The following SIM2 variants were observed in gnomAD, a reference collection of about 807,000 sequenced individuals.
SIM2 encodes the protein SIM bHLH transcription factor 2.
Under a neutral mutation model 64.8 loss-of-function variants are expected in SIM2, and 28 were observed. The ratio of observed to expected loss-of-function variants is 0.43; its 90% CI spans 0.32 to 0.59. SIM2 has a LOEUF of 0.59. Among genes scored for constraint, SIM2 ranks in the 20% least tolerant of loss-of-function variants. The pLI is 0.07. For missense variants in SIM2, 847 were observed against 871.4 expected (o/e 0.97, Z 0.35); for synonymous variants, 408 against 391.1 (o/e 1.04, Z -0.51).
chr21:36,715,143 T>C (rs928204714), intron 3 of SIM2, among the ~76,000 whole-genome samples: 5 of 152,214 alleles, frequency 3.3e-5, no homozygotes, highest in Admixed American at 3.3e-4. Flanking sequence ...AAAAACACTT[T>C]AGTGCCAAGT....
chr21:36,714,073 A>G (rs966134475), intron 3 of SIM2, among the ~76,000 whole-genome samples: 2 of 152,226 alleles, frequency 1.3e-5, no homozygotes, highest in Non-Finnish European at 2.9e-5. Flanking sequence ...CGGTCTTTCC[A>G]TTACTTTTAA....
At position 36,745,928 on chromosome 21, in the gene SIM2, A is replaced by T. The variant is rs970976792; in HGVS notation, c.1576+792A>T. The T allele has an allele frequency of 1.7e-5, 21 of 1,264,068 alleles. No individual in the cohort carries two copies. The Admixed American group carries it at 1.9e-4, about 11-fold the overall frequency. 78.3% of individuals were successfully genotyped at this position (1,264,068 alleles called of 1,614,324 possible). A position where few individuals can be genotyped will look rare whatever the true frequency, so the allele number is the denominator to read the frequency against. ...GTTTAGCTGCAGGACATGTATTCCCATTGCACCGAGACCTAACTGCCGCTC... is the reference window on the plus strand; with the variant it reads ...GTTTAGCTGCAGGACATGTATTCCCTTTGCACCGAGACCTAACTGCCGCTC... On this transcript the variant is annotated intron_variant, in intron 10 of 10. Coordinates refer to ENST00000290399, the MANE Select transcript of SIM2 (RefSeq NM_005069.6). The surrounding 1 kb of genome is among the most constrained non-coding windows in gnomAD (Gnocchi z 4.8).
chr21:36,733,621 G>A (rs1184719786), intron 7 of SIM2, among the ~76,000 whole-genome samples: 5 of 146,564 alleles, frequency 3.4e-5, no homozygotes, highest in Non-Finnish European at 7.5e-5. Context: ...GTGCAGTGGT[G>A]CGATCTCGGC....
Position 36,743,518 on chromosome 21 carries a change from T to C in SIM2, c.1130T>C (p.Met377Thr). The C allele has an allele frequency of 6.2e-7, 1 of 1,614,040 alleles. No individual in the cohort carries two copies. The highest frequency in any genetic ancestry group is 8.5e-7 in the Non-Finnish European group (1 of 1,180,008). ...RKLVKPKNTK[M>T]KTKLRTNPYP... ...TTAGTGAAACCCAAAAATACCAAGATGAAGACAAAGCTGAGAACAAACCCT... is the reference window on the plus strand; with the variant it reads ...TTAGTGAAACCCAAAAATACCAAGACGAAGACAAAGCTGAGAACAAACCCT... The change falls in exon 9 of 11, where the codon ATG becomes ACG. Residue 377 changes from methionine to threonine, a missense_variant. Met to Thr is a moderately conservative substitution (Grantham distance 81). Coordinates refer to ENST00000290399, the MANE Select transcript of SIM2 (RefSeq NM_005069.6).
intron 2 of SIM2, among the ~76,000 whole-genome samples, chr21:36,711,103 G>A (rs542624205): frequency 2.0e-5 from 3 of 152,272 alleles, no homozygotes; most frequent in South Asian, 2.1e-4. Flanking sequence ...TTGAAGCTAC[G>A]AAGTCATACC....
At chr21:36,703,236 C>T (rs919869914) in intron 1 of SIM2, among the ~76,000 whole-genome samples, 1 of 152,188 alleles carries the variant, frequency 6.6e-6, no homozygotes, top group Non-Finnish European at 1.5e-5. Context: ...ACCACCAGAA[C>T]CAGGGTAAGC....
intron 1 of SIM2, among the ~76,000 whole-genome samples, chr21:36,707,968 G>GT: frequency 2.7e-5 from 4 of 149,014 alleles, no homozygotes; most frequent in African/African-American, 9.9e-5. Flanking sequence ...GCTGGGCCTG[G>GT]CCCAGCGTGG....
Position 36,699,733 on chromosome 21 carries a change from G to A in SIM2, c.-14G>A. 1 of 1,611,358 alleles carries A rather than the reference G, an allele frequency of 6.2e-7. No homozygotes were observed. The highest frequency in any genetic ancestry group is 8.5e-7 in the Non-Finnish European group (1 of 1,178,754). On this transcript the variant is annotated 5_prime_UTR_variant, in exon 1 of 11. Transcript: ENST00000290399. The surrounding 1 kb of genome is among the most constrained non-coding windows in gnomAD (Gnocchi z 5.6). ...GAGCACGGCCGGGTCTAATATGCCC[G>A]GAGCCGAGGCGCGATGAAGGAGAAG...
intron 1 of SIM2, among the ~76,000 whole-genome samples, chr21:36,707,844 C>A (rs1036472170): frequency 1.3e-5 from 2 of 152,112 alleles, no homozygotes; most frequent in African/African-American, 4.8e-5. Context: ...AGGATCTCCA[C>A]GGCTGGTCAG....
In SIM2 at chr21:36,744,784, A is replaced by T; in HGVS notation, c.1224A>T (p.Arg408Ser). 1.9e-6 allele frequency: 3 copies of T among 1,613,362 alleles called. No individual in the cohort carries two copies. Among genetic ancestry groups the T allele is most frequent in the Non-Finnish European group, 2.5e-6 (3 of 1,179,682 alleles). Residue 408 changes from arginine to serine, a missense_variant, in exon 10 of 11, where the codon AGA becomes AGT. Physicochemically the swap from Arg to Ser is moderately radical, Grantham distance 110 (BLOSUM62 -1). Coordinates refer to ENST00000290399, the MANE Select transcript of SIM2 (RefSeq NM_005069.6). ...AATGCGGCCAGCTCGGAAACTGGAG[A>T]GCCAGTCCCCCTGCAAGCGCTGCTG... ...KLECGQLGNW[R>S]ASPPASAAAP...
rs117655224 is a variant in SIM2 at position 36,744,720 on chromosome 21, C to A, written c.1168-8C>A. The A allele has an allele frequency of 1.2e-5, 19 of 1,583,440 alleles. No individual in the cohort carries two copies. Among genetic ancestry groups the A allele is most frequent in the Non-Finnish European group, 1.5e-5 (18 of 1,164,126 alleles). ...GCTGGCCCTTCATCCATCTTCTTTG[C>A]CATGCAGCAATACAGCTCGTTCCAA... On this transcript the variant is annotated splice_region_variant and splice_polypyrimidine_tract_variant and intron_variant, in intron 9 of 10. Coordinates refer to ENST00000290399, the MANE Select transcript of SIM2 (RefSeq NM_005069.6).
intron 8 of SIM2, 45 bp from the exon 9 acceptor site, chr21:36,743,342 C>T: frequency 8.3e-6 from 13 of 1,561,210 alleles, no homozygotes; most frequent in Non-Finnish European, 1.1e-5. Flanking sequence ...GCTGCTCGGC[C>T]TCCAGCGCCT....
At chr21:36,741,033 G>A (rs779101601) in intron 7 of SIM2, among the ~76,000 whole-genome samples, 6 of 152,180 alleles carry the variant, frequency 3.9e-5, no homozygotes, top group Non-Finnish European at 5.9e-5. Context: ...TGGGTGCACC[G>A]AGCCTTTGGC....
At chr21:36,704,444 G>A (rs1020775141) in intron 1 of SIM2, among the ~76,000 whole-genome samples, 4 of 152,252 alleles carry the variant, frequency 2.6e-5, no homozygotes, top group Non-Finnish European at 4.4e-5. Context: ...CTGCAGCTGG[G>A]GATCCAGGAG....
chr21:36,720,140 T>C, intron 4 of SIM2: 1 of 561,078 alleles, frequency 1.8e-6, no homozygotes, highest in Admixed American at 3.0e-5. Flanking sequence ...CAAGCTCCTA[T>C]TGTTGGCCAG....
Position 36,724,947 on chromosome 21 carries a change from T to C in SIM2, c.544-1172T>C, listed in dbSNP as rs147667007. ...TCTGTATGGCTTTTGGCTATAGCAATTGGAAGGGCTTCTGTAGGGCCACTC... is the reference window on the plus strand; with the variant it reads ...TCTGTATGGCTTTTGGCTATAGCAACTGGAAGGGCTTCTGTAGGGCCACTC... On this transcript the variant is annotated intron_variant, in intron 5 of 10. Transcript: ENST00000290399. Among the ~76,000 whole-genome samples the C allele has an allele frequency of 2.3e-3, 348 of 152,270 alleles. 2 individuals are homozygous for C. Among genetic ancestry groups the C allele is most frequent in the African/African-American group, 7.7e-3 (319 of 41,538 alleles).
At chr21:36,710,672 C>CA (rs1368579179) in intron 2 of SIM2, 1 of 152,196 alleles carries the variant, frequency 6.6e-6, no homozygotes, top group Non-Finnish European at 1.5e-5. Flanking sequence ...TCTGCATTTC[C>CA]AAAAAGCAGA....
rs181328345 is a variant in SIM2 at position 36,730,524 on chromosome 21, T to C, written c.744-521T>C. Among the ~76,000 whole-genome samples, 22 of 152,302 alleles carry C rather than the reference T, an allele frequency of 1.4e-4. No individual in the cohort carries two copies. The East Asian group carries it at 3.7e-3, about 25-fold the overall frequency. On this transcript the variant is annotated intron_variant, in intron 6 of 10. Coordinates refer to ENST00000290399, the MANE Select transcript of SIM2 (RefSeq NM_005069.6). Reference sequence around the variant, plus strand: ...AATGGGGACAGAGTGTTTGGGATCATGGAAAGCTCTGGACAGGGGCAGTGA... The same window carrying C: ...AATGGGGACAGAGTGTTTGGGATCACGGAAAGCTCTGGACAGGGGCAGTGA...
chr21:36,699,756 A>G lies in SIM2; in HGVS notation c.10A>G (p.Lys4Glu), dbSNP rs760789833. The change falls in exon 1 of 11, where the codon AAG (lysine) becomes GAG (glutamate). Residue 4 changes from lysine to glutamate, a missense_variant. By Grantham distance (56) the Lys-to-Glu change is moderately conservative (BLOSUM62 1). Coordinates refer to ENST00000290399, the MANE Select transcript of SIM2 (RefSeq NM_005069.6). The surrounding 1 kb of genome is among the most constrained non-coding windows in gnomAD (Gnocchi z 5.6). The stretch of plus-strand genomic sequence containing the variant: ...CCGGAGCCGAGGCGCGATGAAGGAG[A>G]AGTCCAAGAATGCGGCCAAGACCAG... MKEKSKNAAKTRRE... is the reference protein window; with the variant it reads MKEESKNAAKTRRE... 6.2e-7 allele frequency: 1 copy of G among 1,612,376 alleles called. No individual in the cohort carries two copies. The highest frequency in any genetic ancestry group is 2.2e-5 in the East Asian group (1 of 44,738).
Sources: gnomAD v4.1 joint callset for allele counts (sites outside exome capture counted in the v4.1 genomes callset) on GRCh38, gnomAD v4.1.1 for gene constraint, Gnocchi (gnomAD v3.1) non-coding constraint, MANE v1.5 for transcripts, NCBI Gene and HGNC (gene_info 2026-07-23, HGNC 2026-07-21) for gene names.